Variants in BICD1 observed in about 807,000 individuals in gnomAD.
The protein encoded by BICD1 is BICD cargo adaptor 1.
BICD1 carries 35 observed loss-of-function variants against 92.5 expected under a neutral mutation model. The ratio of observed to expected loss-of-function variants is 0.38; its 90% CI spans 0.29 to 0.50. BICD1 has a LOEUF of 0.50. BICD1 is among the 20% of genes least tolerant of loss of function. BICD1 has a pLI of 0.93. For missense variants in BICD1, 950 were observed against 1,189.8 expected (o/e 0.80, Z 2.97); for synonymous variants, 429 against 465.1 (o/e 0.92, Z 1.00).
intron 1 of BICD1, among the ~76,000 whole-genome samples, chr12:32,161,270 G>A (rs1303896106): frequency 6.6e-6 from 1 of 152,130 alleles, no homozygotes; most frequent in East Asian, 1.9e-4. Flanking sequence ...CAAATGAAAG[G>A]GAGCTGACAC....
intron 1 of BICD1, among the ~76,000 whole-genome samples, chr12:32,117,598 C>G (rs920306880): frequency 2.0e-5 from 3 of 151,344 alleles, no homozygotes; most frequent in Admixed American, 1.3e-4. Context: ...TGAGGGAGGT[C>G]TACAGCCTCC....
chr12:32,370,356 AAAG>A (rs1316771647), intron 9 of BICD1, among the ~76,000 whole-genome samples: 3,153 of 149,388 alleles, frequency 0.021, 104 homozygotes, highest in African/African-American at 0.074. Context: ...ACAGAGCAAA[AAAG>A]AAAAAAAAAA....
intron 2 of BICD1, among the ~76,000 whole-genome samples, chr12:32,240,901 T>C (rs1946218138): frequency 6.6e-6 from 1 of 152,224 alleles, no homozygotes; most frequent in Non-Finnish European, 1.5e-5. Flanking sequence ...ATATTTAAAA[T>C]TAATAGGATT....
chr12:32,282,262 C>T (rs111276982), intron 2 of BICD1, among the ~76,000 whole-genome samples: 7,361 of 136,190 alleles, frequency 0.054, 677 homozygotes, highest in African/African-American at 0.19. Flanking sequence ...ACTCTGTTGC[C>T]CAGGCTGGAG....
At chr12:32,209,325 A>G (rs889630394) in intron 1 of BICD1, among the ~76,000 whole-genome samples, 4 of 152,246 alleles carry the variant, frequency 2.6e-5, no homozygotes, top group Admixed American at 1.3e-4. Flanking sequence ...GAAGAAACCA[A>G]TACAATGGGA....
intron 2 of BICD1, among the ~76,000 whole-genome samples, chr12:32,258,138 G>A (rs909256971): frequency 1.4e-4 from 21 of 152,138 alleles, no homozygotes; most frequent in African/African-American, 5.1e-4. Context: ...CAGTAGACAG[G>A]CCCAATATGT....
At chr12:32,234,924 G>A (rs1592528061) in intron 2 of BICD1, among the ~76,000 whole-genome samples, 1 of 152,186 alleles carries the variant, frequency 6.6e-6, no homozygotes, top group East Asian at 1.9e-4. Flanking sequence ...GGCTCAAGCA[G>A]TCTGCCTGCC....
intron 2 of BICD1, among the ~76,000 whole-genome samples, chr12:32,260,632 C>G (rs1946835174): frequency 7.4e-6 from 1 of 135,856 alleles, no homozygotes; most frequent in African/African-American, 2.5e-5. Context: ...CTATTGTATT[C>G]TAGTACTTTT....
chr12:32,158,095 G>GT (rs555722768), intron 1 of BICD1, among the ~76,000 whole-genome samples: 17,335 of 143,410 alleles, frequency 0.12, 1,333 homozygotes, highest in African/African-American at 0.21. Flanking sequence ...GAGCCTAGGG[G>GT]TTTTTTTTTT....
Position 32,328,795 on chromosome 12 carries a change from G to A in BICD1, c.2100+240G>A, listed in dbSNP as rs1197820272. ...AGGAACTTAAAGCAGGAACACAGGA[G>A]AAGATCTAGATGCCTTTCTGCAGAT... On this transcript the variant is annotated intron_variant, in intron 5 of 9. Transcript: ENST00000652176. This position sits in a 1 kb window ranked among gnomAD's most constrained non-coding sequence, Gnocchi z 4.4. Among the ~76,000 whole-genome samples the A allele has an allele frequency of 6.6e-6, 1 of 152,182 alleles. No homozygotes were observed. The highest frequency in any genetic ancestry group is 1.5e-5 in the Non-Finnish European group (1 of 68,030).
chr12:32,123,032 C>G lies in BICD1; in HGVS notation c.213+15488C>G, dbSNP rs181882312. Among the ~76,000 whole-genome samples the G allele has an allele frequency of 2.1e-3, 325 of 152,182 alleles. 1 individual carries two copies. The highest frequency in any genetic ancestry group is 7.4e-3 in the African/African-American group (308 of 41,540). On this transcript the variant is annotated intron_variant, in intron 1 of 9. Transcript: ENST00000652176. ...AACAGAAGGTCCATATTTGCGGAGCCTACATTTTGTGGGGGAAGAGAGATG... is the reference window on the plus strand; with the variant it reads ...AACAGAAGGTCCATATTTGCGGAGCGTACATTTTGTGGGGGAAGAGAGATG...
At chr12:32,331,087 A>G (rs1212938242) in intron 5 of BICD1, among the ~76,000 whole-genome samples, 2 of 152,186 alleles carry the variant, frequency 1.3e-5, no homozygotes, top group East Asian at 1.9e-4. Context: ...GTGAGCCTAG[A>G]TTGCATGATT....
chr12:32,344,481 T>C (rs73303907), intron 8 of BICD1, among the ~76,000 whole-genome samples: 3,530 of 152,084 alleles, frequency 0.023, 130 homozygotes, highest in African/African-American at 0.079. Flanking sequence ...GATGACAAGG[T>C]GGAGAGTGGA....
rs868409799 is a variant in BICD1 at position 32,351,507 on chromosome 12, A to G, written c.2764+12528A>G. Among the ~76,000 whole-genome samples the G allele has an allele frequency of 6.7e-4, 101 of 150,292 alleles. 1 individual carries two copies. The highest frequency in any genetic ancestry group is 1.5e-3 in the Admixed American group (22 of 15,118). ...TGTCTCAAAAAAAAAAAAAAAAAAA[A>G]AAAAGAAAGGAGAAAAAGAAAAGAA... On this transcript the variant is annotated intron_variant, in intron 8 of 9. Coordinates refer to ENST00000652176, the MANE Select transcript of BICD1 (RefSeq NM_001714.4).
At chr12:32,357,510 T>G (rs1299789291) in intron 8 of BICD1, among the ~76,000 whole-genome samples, 2 of 152,238 alleles carry the variant, frequency 1.3e-5, no homozygotes, top group Middle Eastern at 3.2e-3. Flanking sequence ...TAACTGCTTC[T>G]ACTTTGGAGC....
chr12:32,235,077 A>G (rs1946023350), intron 2 of BICD1, among the ~76,000 whole-genome samples: 2 of 152,298 alleles, frequency 1.3e-5, no homozygotes, highest in Admixed American at 1.3e-4. Context: ...GTTTCCTGAT[A>G]GGCTTGGCAC....
chr12:32,205,757 C>T (rs1272531638), intron 1 of BICD1, among the ~76,000 whole-genome samples: 1 of 115,056 alleles, frequency 8.7e-6, no homozygotes, highest in East Asian at 2.5e-4. Flanking sequence ...GCGAAATCAT[C>T]AACACAACCA....
intron 1 of BICD1, among the ~76,000 whole-genome samples, chr12:32,215,051 A>C (rs1226908797): frequency 6.6e-6 from 1 of 152,156 alleles, no homozygotes; most frequent in East Asian, 1.9e-4. Context: ...CAACAAGGTG[A>C]AACCCCTTCT....
intron 1 of BICD1, among the ~76,000 whole-genome samples, chr12:32,113,441 G>T (rs1288995095): frequency 6.6e-6 from 1 of 152,088 alleles, no homozygotes; most frequent in African/African-American, 2.4e-5. Flanking sequence ...GAGTGCAGTG[G>T]TGCTGTTACA....
Sources: gnomAD v4.1 joint callset for allele counts (sites outside exome capture counted in the v4.1 genomes callset) on GRCh38, gnomAD v4.1.1 for gene constraint, Gnocchi (gnomAD v3.1) non-coding constraint, MANE v1.5 for transcripts, NCBI Gene and HGNC (gene_info 2026-07-23, HGNC 2026-07-21) for gene names.